Variants in FBXO36 observed in about 807,000 individuals in gnomAD.
The protein encoded by FBXO36 is F-box protein 36.
Under a neutral mutation model 17.0 loss-of-function variants are expected in FBXO36, and 18 were observed. The ratio of observed to expected loss-of-function variants is 1.06; its 90% CI spans 0.73 to 1.57. FBXO36 has a LOEUF of 1.57. Among genes scored for constraint, FBXO36 ranks in the 40% most tolerant of loss-of-function variants. FBXO36 has a pLI of 0.00. For missense variants in FBXO36, 229 were observed against 221.9 expected, an observed-to-expected ratio of 1.03 and a Z score of -0.20; for synonymous variants, 83 against 85.3, an observed-to-expected ratio of 0.97 and a Z score of 0.15.
At chr2:229,968,918 C>T (rs1240201778) in intron 1 of FBXO36, among the ~76,000 whole-genome samples, 3 of 151,748 alleles carry the variant, frequency 2.0e-5, no homozygotes, top group South Asian at 2.1e-4. Flanking sequence ...AGATTACAGG[C>T]GTGCACCACC....
chr2:229,987,728 T>G (rs2077276301), intron 2 of FBXO36, among the ~76,000 whole-genome samples: 1 of 152,170 alleles, frequency 6.6e-6, no homozygotes, highest in South Asian at 2.1e-4. Context: ...CCTCCTGGGC[T>G]TAAGTGATCC....
chr2:229,964,789 G>T (rs1367314815), intron 1 of FBXO36, among the ~76,000 whole-genome samples: 1 of 152,198 alleles, frequency 6.6e-6, no homozygotes. Context: ...AAAGTACTGG[G>T]ATTACAGGCG....
intron 1 of FBXO36, among the ~76,000 whole-genome samples, chr2:229,941,691 C>T (rs139968370): frequency 1.3e-5 from 2 of 152,162 alleles, no homozygotes; most frequent in East Asian, 1.9e-4. Context: ...CAAGTTGCCT[C>T]TCCACAATTA....
chr2:229,971,375 G>T (rs980520480), intron 1 of FBXO36, among the ~76,000 whole-genome samples: 1 of 147,108 alleles, frequency 6.8e-6, no homozygotes, highest in African/African-American at 2.5e-5. Flanking sequence ...AAAAAAAAAA[G>T]AACAAACAAA....
At chr2:229,993,274 A>G (rs557181176) in intron 2 of FBXO36, among the ~76,000 whole-genome samples, 1 of 152,276 alleles carries the variant, frequency 6.6e-6, no homozygotes, top group African/African-American at 2.4e-5. Context: ...TCCTAACGAG[A>G]GTAACTAAGA....
At chr2:229,935,909 C>A (rs2076961285) in intron 1 of FBXO36, among the ~76,000 whole-genome samples, 1 of 152,150 alleles carries the variant, frequency 6.6e-6, no homozygotes, top group Admixed American at 6.5e-5. Context: ...ATCAGAAGGC[C>A]AGGTGCGGTG....
intron 3 of FBXO36, among the ~76,000 whole-genome samples, chr2:230,003,512 A>G (rs1438700945): frequency 1.4e-5 from 2 of 147,986 alleles, no homozygotes; most frequent in Non-Finnish European, 3.0e-5. Flanking sequence ...TTGTATCAAA[A>G]GGGCCTGTTT....
Position 229,934,638 on chromosome 2 carries a change from G to A in FBXO36, c.96+12029G>A, listed in dbSNP as rs548186034. Among the ~76,000 whole-genome samples, 8 of 152,096 alleles carry A rather than the reference G, an allele frequency of 5.3e-5. No individual in the cohort carries two copies. The South Asian group carries it at 1.7e-3, about 31-fold the overall frequency. On this transcript the variant is annotated intron_variant, in intron 1 of 3. Transcript: ENST00000283946. Reference sequence around the variant, plus strand: ...ATCAGTCAGACTTTACCTTTTCTATGACTGTTTCATTTTCCTTATTTATTT... The same window carrying A: ...ATCAGTCAGACTTTACCTTTTCTATAACTGTTTCATTTTCCTTATTTATTT...
chr2:230,000,492 G>T (rs1187921725), intron 3 of FBXO36, among the ~76,000 whole-genome samples: 1 of 151,504 alleles, frequency 6.6e-6, no homozygotes, highest in Non-Finnish European at 1.5e-5. Context: ...GCCTGGATTT[G>T]ATTTTCTATC....
intron 2 of FBXO36, among the ~76,000 whole-genome samples, chr2:229,996,041 CG>C (rs1294795506): frequency 6.6e-6 from 1 of 151,412 alleles, no homozygotes; most frequent in Non-Finnish European, 1.5e-5. Context: ...TTTGGGAGGC[CG>C]AGGTGGGAGG....
At chr2:229,958,477 G>A (rs1211498594) in intron 1 of FBXO36, among the ~76,000 whole-genome samples, 2 of 151,974 alleles carry the variant, frequency 1.3e-5, no homozygotes, top group South Asian at 2.1e-4. Context: ...CAACATATTG[G>A]CCAGGCTGAT....
intron 1 of FBXO36, among the ~76,000 whole-genome samples, chr2:229,955,852 TGTTTAACAG>T (rs1281061199): frequency 6.6e-6 from 1 of 152,234 alleles, no homozygotes; most frequent in Non-Finnish European, 1.5e-5. Context: ...TAAGGTCACA[TGTTTAACAG>T]GTTTAACAGG....
intron 1 of FBXO36, among the ~76,000 whole-genome samples, chr2:229,928,934 G>A (rs530237242): frequency 1.3e-5 from 2 of 150,264 alleles, no homozygotes; most frequent in South Asian, 2.1e-4. Context: ...CCTTAAGGAG[G>A]ATTTAGTGTC....
At chr2:230,003,577 G>T (rs1232185538) in intron 3 of FBXO36, among the ~76,000 whole-genome samples, 1 of 151,494 alleles carries the variant, frequency 6.6e-6, no homozygotes, top group Non-Finnish European at 1.5e-5. Context: ...GTGTTGCCCA[G>T]GCTGGAGTAC....
intron 3 of FBXO36, among the ~76,000 whole-genome samples, chr2:230,007,578 C>T (rs1172883273): frequency 6.6e-6 from 1 of 151,998 alleles, no homozygotes; most frequent in Non-Finnish European, 1.5e-5. Flanking sequence ...TTACAGCAAC[C>T]TGATTCTAAG....
intron 2 of FBXO36, among the ~76,000 whole-genome samples, chr2:229,992,594 A>C (rs1399361954): frequency 2.0e-5 from 3 of 152,302 alleles, no homozygotes; most frequent in Admixed American, 6.5e-5. Flanking sequence ...TTTCAATATC[A>C]AAGCCACTCT....
chr2:229,934,591 A>G (rs193282921), intron 1 of FBXO36, among the ~76,000 whole-genome samples: 22 of 152,288 alleles, frequency 1.4e-4, no homozygotes, highest in Admixed American at 6.5e-5. Flanking sequence ...AATGCTGAAG[A>G]AATGTTAAAT....
intron 1 of FBXO36, among the ~76,000 whole-genome samples, chr2:229,945,904 C>T (rs1389705395): frequency 1.3e-5 from 2 of 151,842 alleles, no homozygotes; most frequent in Non-Finnish European, 2.9e-5. Flanking sequence ...TGCCTGTAAT[C>T]CCAGCTACTT....
intron 3 of FBXO36, among the ~76,000 whole-genome samples, chr2:230,007,763 A>C (rs550279928): frequency 6.6e-6 from 1 of 152,140 alleles, no homozygotes; most frequent in Admixed American, 6.6e-5. Context: ...TACCTGGCTA[A>C]TTTTTGTATT....
Sources: gnomAD v4.1 joint callset for allele counts (sites outside exome capture counted in the v4.1 genomes callset) on GRCh38, gnomAD v4.1.1 for gene constraint, MANE v1.5 for transcripts, NCBI Gene and HGNC (gene_info 2026-07-23, HGNC 2026-07-21) for gene names.